The following KCNJ3 variants were observed in gnomAD, a reference collection of about 807,000 sequenced individuals.
KCNJ3 encodes the protein potassium inwardly rectifying channel subfamily J member 3.
KCNJ3 carries 4 observed loss-of-function variants against 39.2 expected under a neutral mutation model. That is an observed-to-expected ratio of 0.10 (90% CI 0.05 to 0.23). The LOEUF is 0.23. Among genes scored for constraint, KCNJ3 ranks in the 10% least tolerant of loss-of-function variants. The pLI is 1.00. For synonymous variants in KCNJ3, 230 were observed against 237.4 expected, an observed-to-expected ratio of 0.97 and a Z score of 0.29; for missense variants, 276 against 634.9, an observed-to-expected ratio of 0.43 and a Z score of 6.08.
chr2:154,701,977 G>T (rs1684906190), intron 1 of KCNJ3, among the ~76,000 whole-genome samples: 1 of 151,830 alleles, frequency 6.6e-6, no homozygotes, highest in East Asian at 1.9e-4. Context: ...TGTTTTATTG[G>T]GGAAATAATA....
intron 2 of KCNJ3, among the ~76,000 whole-genome samples, chr2:154,727,854 C>CA (rs1195387832): frequency 4.6e-5 from 7 of 150,792 alleles, no homozygotes; most frequent in Non-Finnish European, 1.0e-4. Context: ...CCTTTTCTGG[C>CA]AAAAAATGTT....
chr2:154,810,073 T>TTC (rs1188526651), intron 2 of KCNJ3, among the ~76,000 whole-genome samples: 262 of 150,662 alleles, frequency 1.7e-3, no homozygotes, highest in African/African-American at 6.0e-3. Flanking sequence ...CTCTCTCTCT[T>TTC]TCTCTCTCTC....
chr2:154,845,059 G>A (rs1277924591), intron 2 of KCNJ3, among the ~76,000 whole-genome samples: 1 of 152,198 alleles, frequency 6.6e-6, no homozygotes, highest in Non-Finnish European at 1.5e-5. Context: ...GTAGACCAGA[G>A]CTGTTCCTAT....
chr2:154,708,575 T>G (rs186418132), intron 1 of KCNJ3, among the ~76,000 whole-genome samples: 296 of 152,280 alleles, frequency 1.9e-3, no homozygotes, highest in African/African-American at 6.8e-3. Context: ...TTTTCTGTAT[T>G]TAATTCCTAA....
At chr2:154,705,672 C>A (rs935502349) in intron 1 of KCNJ3, among the ~76,000 whole-genome samples, 6 of 152,062 alleles carry the variant, frequency 3.9e-5, no homozygotes, top group South Asian at 2.1e-4. Flanking sequence ...TAAATGACAT[C>A]TGTATTATAA....
intron 2 of KCNJ3, among the ~76,000 whole-genome samples, chr2:154,769,063 T>C (rs1039424674): frequency 2.0e-5 from 3 of 152,246 alleles, no homozygotes; most frequent in African/African-American, 7.2e-5. Context: ...CTGAAGTTGC[T>C]TTTCAGCTTA....
At chr2:154,742,968 A>G (rs1036483530) in intron 2 of KCNJ3, among the ~76,000 whole-genome samples, 1 of 151,770 alleles carries the variant, frequency 6.6e-6, no homozygotes, top group African/African-American at 2.4e-5. Flanking sequence ...AGCTATTGCC[A>G]TGTGTTTTCT....
chr2:154,710,208 A>C (rs1420604794), intron 2 of KCNJ3, among the ~76,000 whole-genome samples: 1 of 151,952 alleles, frequency 6.6e-6, no homozygotes, highest in Non-Finnish European at 1.5e-5. Flanking sequence ...GGCCTTGGGG[A>C]TGGTGATTTG....
intron 2 of KCNJ3, among the ~76,000 whole-genome samples, chr2:154,729,678 A>G (rs946594170): frequency 2.0e-5 from 3 of 152,312 alleles, no homozygotes; most frequent in East Asian, 3.9e-4. Flanking sequence ...ACTTATCATC[A>G]TCAATGAGAA....
chr2:154,805,334 C>A, intron 2 of KCNJ3, among the ~76,000 whole-genome samples: 1 of 152,020 alleles, frequency 6.6e-6, no homozygotes, highest in East Asian at 1.9e-4. Flanking sequence ...TTGATAGGAA[C>A]AAAAGCTTCA....
At chr2:154,776,562 C>T (rs1686339075) in intron 2 of KCNJ3, among the ~76,000 whole-genome samples, 1 of 152,000 alleles carries the variant, frequency 6.6e-6, no homozygotes, top group African/African-American at 2.4e-5. Context: ...CAGGTTCTTA[C>T]CATTCCTGAA....
intron 2 of KCNJ3, among the ~76,000 whole-genome samples, chr2:154,816,702 A>C (rs1329274769): frequency 1.3e-5 from 2 of 152,218 alleles, no homozygotes; most frequent in Non-Finnish European, 2.9e-5. Context: ...AGCAGATGTC[A>C]TAGCAAATAA....
At chr2:154,785,598 T>C (rs1366335536) in intron 2 of KCNJ3, among the ~76,000 whole-genome samples, 1 of 152,154 alleles carries the variant, frequency 6.6e-6, no homozygotes, top group East Asian at 1.9e-4. Context: ...TCCCACACCA[T>C]GTGATGCCTT....
intron 2 of KCNJ3, among the ~76,000 whole-genome samples, chr2:154,777,036 A>ACATACG (rs1452893759): frequency 3.5e-4 from 44 of 126,472 alleles, no homozygotes; most frequent in Middle Eastern, 4.0e-3. Context: ...TTTCACACGT[A>ACATACG]CACACGCACA....
intron 2 of KCNJ3, among the ~76,000 whole-genome samples, chr2:154,853,971 C>T (rs564395498): frequency 6.6e-6 from 1 of 152,240 alleles, no homozygotes; most frequent in African/African-American, 2.4e-5. Context: ...ATTTCTGAAA[C>T]TTGAGCAAAA....
intron 2 of KCNJ3, among the ~76,000 whole-genome samples, chr2:154,770,305 T>G (rs1023623721): frequency 6.6e-6 from 1 of 152,234 alleles, no homozygotes; most frequent in Non-Finnish European, 1.5e-5. Flanking sequence ...TTTGTATCAC[T>G]GGGACTTCTT....
intron 2 of KCNJ3, among the ~76,000 whole-genome samples, chr2:154,710,684 G>C (rs1685090289): frequency 6.6e-6 from 1 of 152,030 alleles, no homozygotes; most frequent in South Asian, 2.1e-4. Flanking sequence ...GTACTGAGAA[G>C]ACAATAAATA....
chr2:154,844,491 C>T (rs1468581427), intron 2 of KCNJ3, among the ~76,000 whole-genome samples: 1 of 152,226 alleles, frequency 6.6e-6, no homozygotes, highest in Non-Finnish European at 1.5e-5. Flanking sequence ...AGCTGTCAGA[C>T]AGGGACGTTT....
intron 2 of KCNJ3, among the ~76,000 whole-genome samples, chr2:154,751,370 T>C (rs1265717254): frequency 1.3e-5 from 2 of 152,086 alleles, no homozygotes; most frequent in Admixed American, 1.3e-4. Flanking sequence ...TTCTAATTTT[T>C]ATTTCATTTT....
Sources: allele counts gnomAD v4.1 joint callset (sites outside exome capture counted in the v4.1 genomes callset), GRCh38; gene constraint gnomAD v4.1.1; transcripts MANE v1.5; gene names NCBI Gene and HGNC (gene_info 2026-07-23, HGNC 2026-07-21).